Variants in ENAH observed in about 807,000 individuals in gnomAD.
ENAH encodes the protein ENAH actin regulator.
ENAH carries 23 observed loss-of-function variants against 78.7 expected under a neutral mutation model. The ratio of observed to expected loss-of-function variants is 0.29; its 90% CI spans 0.21 to 0.41. ENAH has a LOEUF of 0.41. Among genes scored for constraint, ENAH ranks in the 10% least tolerant of loss-of-function variants. ENAH has a pLI of 1.00. For synonymous variants in ENAH, 226 were observed against 241.0 expected, an observed-to-expected ratio of 0.94 and a Z score of 0.58; for missense variants, 544 against 691.0, an observed-to-expected ratio of 0.79 and a Z score of 2.39.
chr1:225,502,641 T>C (rs2096289968), intron 11 of ENAH, among the ~76,000 whole-genome samples: 1 of 152,252 alleles, frequency 6.6e-6, no homozygotes, highest in Non-Finnish European at 1.5e-5. Flanking sequence ...TTTCATTCAA[T>C]AAGCACTGAG....
intron 1 of ENAH, among the ~76,000 whole-genome samples, chr1:225,615,777 G>C (rs57994249): frequency 6.6e-6 from 1 of 150,612 alleles, no homozygotes; most frequent in African/African-American, 2.4e-5. Context: ...CGGCCGCCCC[G>C]TCTGAGAAGT....
intron 1 of ENAH, among the ~76,000 whole-genome samples, chr1:225,586,263 GAA>G (rs2096846146): frequency 7.7e-6 from 1 of 129,076 alleles, no homozygotes; most frequent in Non-Finnish European, 1.7e-5. Context: ...AAAAAAGGAA[GAA>G]AAAGAGGAGA....
intron 1 of ENAH, chr1:225,652,248 C>A: frequency 1.2e-6 from 1 of 841,342 alleles, no homozygotes; most frequent in Non-Finnish European, 1.4e-6. Flanking sequence ...ACTTTTCTTC[C>A]TTTTTTAATT....
At chr1:225,501,854 T>C (rs1379151762) in intron 11 of ENAH, among the ~76,000 whole-genome samples, 1 of 152,220 alleles carries the variant, frequency 6.6e-6, no homozygotes, top group East Asian at 1.9e-4. Flanking sequence ...TGATTAGGTA[T>C]ATTTTAAACA....
chr1:225,501,822 A>G (rs1207253131), intron 11 of ENAH, among the ~76,000 whole-genome samples: 1 of 152,208 alleles, frequency 6.6e-6, no homozygotes, highest in Non-Finnish European at 1.5e-5. Flanking sequence ...TTTAGTTTCT[A>G]TTATAATTCT....
intron 1 of ENAH, among the ~76,000 whole-genome samples, chr1:225,619,142 A>G (rs1048051843): frequency 5.9e-5 from 9 of 152,244 alleles, no homozygotes; most frequent in Non-Finnish European, 1.3e-4. Context: ...TTCATGAAAC[A>G]CTTGCCATTA....
intron 1 of ENAH, among the ~76,000 whole-genome samples, chr1:225,638,634 TGAG>T (rs1475435875): frequency 3.9e-5 from 6 of 152,172 alleles, no homozygotes; most frequent in Non-Finnish European, 8.8e-5. Flanking sequence ...TAGGCCATAA[TGAG>T]GAGGAGCTTA....
chr1:225,536,181 T>A (rs1254673991), intron 3 of ENAH, among the ~76,000 whole-genome samples: 1 of 152,122 alleles, frequency 6.6e-6, no homozygotes, highest in Non-Finnish European at 1.5e-5. Flanking sequence ...TATATATACA[T>A]ACTTGACAAA....
intron 2 of ENAH, among the ~76,000 whole-genome samples, chr1:225,564,875 T>A (rs2096727053): frequency 1.3e-5 from 2 of 152,060 alleles, no homozygotes; most frequent in African/African-American, 4.8e-5. Context: ...TCCTACTACA[T>A]ACAATTAAGA....
In ENAH at chr1:225,579,195, C is replaced by G. The variant is rs193231417; in HGVS notation, c.6-11781G>C. On this transcript the variant is annotated intron_variant, in intron 1 of 13. Transcript: ENST00000366843. ...CAGTCTGCTTCCAGGTCTGGACTTG[C>G]AACCACTCTACTAAAAAAAGAAAGA... 2.2e-3 allele frequency among the ~76,000 whole-genome samples: 341 copies of G among 152,282 alleles called. 1 individual carries two copies. Among genetic ancestry groups the G allele is most frequent in the African/African-American group, 7.8e-3 (324 of 41,572 alleles).
chr1:225,645,103 C>A (rs1424441033), intron 1 of ENAH, among the ~76,000 whole-genome samples: 1 of 152,180 alleles, frequency 6.6e-6, no homozygotes, highest in African/African-American at 2.4e-5. Context: ...GCTTGTTTCC[C>A]TACAGAGAAA....
intron 3 of ENAH, among the ~76,000 whole-genome samples, chr1:225,550,726 TCTC>T (rs940511329): frequency 9.2e-5 from 14 of 152,160 alleles, no homozygotes; most frequent in Non-Finnish European, 1.3e-4. Flanking sequence ...TTGACCATGT[TCTC>T]ATGTTCAATA....
intron 4 of ENAH, among the ~76,000 whole-genome samples, chr1:225,523,523 C>T (rs144047658): frequency 4.0e-4 from 61 of 152,134 alleles, no homozygotes; most frequent in Admixed American, 1.8e-3. Flanking sequence ...TTCAAGCAGG[C>T]AATTCATATA....
chr1:225,514,747 A>C lies in ENAH; in HGVS notation c.1067T>G (p.Leu356Arg). The change falls in exon 7 of 14, where the codon CTC (leucine) becomes CGC (arginine). Residue 356 changes from leucine to arginine, a missense_variant. Physicochemically the swap from Leu to Arg is moderately radical, Grantham distance 102 (BLOSUM62 -2). Around this residue, in one of 4 missense-constraint regions of ENAH, gnomAD observed 366 missense variants for 396.1 expected, o/e 0.92. Coordinates refer to ENST00000366843, the MANE Select transcript of ENAH (RefSeq NM_018212.6). ...GPPPPPPPPP[L>R]PNQVPPPPPP... ...AGGAGGAGGGGGTACTTGATTAGGG[A>C]GAGGAGGGGGAGGAGGGGGCGGTGG... The C allele has an allele frequency of 2.0e-6, 1 of 506,840 alleles. No individual in the cohort carries two copies. The highest frequency in any genetic ancestry group is 2.9e-6 in the Non-Finnish European group (1 of 345,104). The allele number at this position is 506,840 out of a possible 1,614,324, so 31.4% of individuals were successfully genotyped here.
intron 1 of ENAH, among the ~76,000 whole-genome samples, chr1:225,617,888 T>A (rs1278324900): frequency 2.0e-5 from 3 of 152,192 alleles, no homozygotes; most frequent in African/African-American, 7.2e-5. Context: ...AAGGTTCTGT[T>A]ACCACCAACC....
chr1:225,522,896 A>T (rs2096481049), intron 4 of ENAH, among the ~76,000 whole-genome samples: 1 of 151,454 alleles, frequency 6.6e-6, no homozygotes, highest in Admixed American at 6.6e-5. Flanking sequence ...AAGTTTTTAG[A>T]TCTTTGAGCA....
At chr1:225,580,227 A>C (rs920269666) in intron 1 of ENAH, 7 of 152,108 alleles carry the variant, frequency 4.6e-5, no homozygotes, top group Admixed American at 1.3e-4. Flanking sequence ...TGTCACTTCC[A>C]AGGTTAATTT....
At chr1:225,566,332 T>C (rs1405467824) in intron 2 of ENAH, among the ~76,000 whole-genome samples, 1 of 152,096 alleles carries the variant, frequency 6.6e-6, no homozygotes, top group East Asian at 1.9e-4. Context: ...CCACAGCCCC[T>C]ATATGCATAC....
At chr1:225,535,564 C>A (rs1216577441) in intron 3 of ENAH, 3 of 1,302,974 alleles carry the variant, frequency 2.3e-6, no homozygotes, top group Non-Finnish European at 3.0e-6. Flanking sequence ...TTGCTCTGGG[C>A]TGCAACAGAC....
Sources: allele counts gnomAD v4.1 joint callset (sites outside exome capture counted in the v4.1 genomes callset), GRCh38; gene constraint gnomAD v4.1.1; regional missense constraint gnomAD v4.1.1; transcripts MANE v1.5; gene names NCBI Gene and HGNC (gene_info 2026-07-23, HGNC 2026-07-21).